GNAQ: variants seen among roughly 807,000 people sequenced by gnomAD.
GNAQ encodes the protein guanine nucleotide-binding protein G(q) subunit alpha.
GNAQ carries 8 observed loss-of-function variants against 43.9 expected under a neutral mutation model. The ratio of observed to expected loss-of-function variants is 0.18; its 90% CI spans 0.11 to 0.33. The LOEUF (loss-of-function observed/expected upper bound fraction) is 0.33. Among genes scored for constraint, GNAQ ranks in the 10% least tolerant of loss-of-function variants. GNAQ has a pLI of 1.00. For synonymous variants in GNAQ, 155 were observed against 170.7 expected, an observed-to-expected ratio of 0.91 and a Z score of 0.71; for missense variants, 158 against 450.8, an observed-to-expected ratio of 0.35 and a Z score of 5.88.
intron 1 of GNAQ, among the ~76,000 whole-genome samples, chr9:78,025,890 A>G (rs1823973514): frequency 6.6e-6 from 1 of 152,214 alleles, no homozygotes; most frequent in Admixed American, 6.5e-5. Context: ...CCTGGATCAT[A>G]AAGAAAAATC....
chr9:78,009,621 G>T (rs1823749572), intron 1 of GNAQ, among the ~76,000 whole-genome samples: 1 of 152,190 alleles, frequency 6.6e-6, no homozygotes, highest in South Asian at 2.1e-4. Context: ...TTTACTGACA[G>T]TATTAACAAA....
chr9:77,735,772 T>A (rs1223564636), intron 5 of GNAQ, among the ~76,000 whole-genome samples: 2 of 152,188 alleles, frequency 1.3e-5, no homozygotes, highest in Non-Finnish European at 2.9e-5. Context: ...GAGAGTACGC[T>A]GACATGGCAA....
chr9:77,751,963 T>C lies in GNAQ; in HGVS notation c.736-23296A>G, dbSNP rs78921282. ...GTGCCACTGTCCTGAAAAATGATGGTTGAGGTACACAGTGCTCATGTTCAG... is the reference window on the plus strand; with the variant it reads ...GTGCCACTGTCCTGAAAAATGATGGCTGAGGTACACAGTGCTCATGTTCAG... On this transcript the variant is annotated intron_variant, in intron 5 of 6. Transcript: ENST00000286548. 2.4e-4 allele frequency among the ~76,000 whole-genome samples: 36 copies of C among 152,358 alleles called. No individual in the cohort carries two copies. The East Asian group carries it at 5.8e-3, about 24-fold the overall frequency.
rs565178044 is a variant in GNAQ at position 77,801,481 on chromosome 9, G to C, written c.477-3833C>G. On this transcript the variant is annotated intron_variant, in intron 3 of 6. Coordinates refer to ENST00000286548, the MANE Select transcript of GNAQ (RefSeq NM_002072.5). The stretch of plus-strand genomic sequence containing the variant: ...TGTTCATTGCCCAGGTATCAACACA[G>C]TTCACAGCAATGAAATGGCCATTAA... 1.1e-4 allele frequency among the ~76,000 whole-genome samples: 16 copies of C among 152,282 alleles called. 1 individual carries two copies. In the South Asian group the frequency reaches 3.3e-3, roughly 32 times the overall value.
In GNAQ at chr9:78,019,029, G is replaced by A. The variant is rs565818018; in HGVS notation, c.136+12071C>T. 3.3e-5 allele frequency among the ~76,000 whole-genome samples: 5 copies of A among 152,218 alleles called. No individual in the cohort carries two copies. In the East Asian group the frequency reaches 5.8e-4, roughly 18 times the overall value. ...GAGTAGAAAGCCCTACAAAAAATAC[G>A]TTTCTCAAAGGACAGAGCTAGTGAT... On this transcript the variant is annotated intron_variant, in intron 1 of 6. Coordinates refer to ENST00000286548, the MANE Select transcript of GNAQ (RefSeq NM_002072.5).
intron 2 of GNAQ, among the ~76,000 whole-genome samples, chr9:77,848,656 AG>A (rs960545045): frequency 6.6e-5 from 10 of 152,356 alleles, no homozygotes; most frequent in African/African-American, 2.4e-4. Flanking sequence ...GGTGGGAATA[AG>A]GAGTGGTCTA....
chr9:77,844,515 T>C (rs1654341672), intron 2 of GNAQ, among the ~76,000 whole-genome samples: 1 of 152,208 alleles, frequency 6.6e-6, no homozygotes, highest in South Asian at 2.1e-4. Context: ...AACCAGCTGC[T>C]AAGTATAAGA....
At chr9:78,015,020 T>A (rs1287527600) in intron 1 of GNAQ, among the ~76,000 whole-genome samples, 1 of 152,188 alleles carries the variant, frequency 6.6e-6, no homozygotes. Flanking sequence ...AAGTGTACAG[T>A]CATGTCCTAG....
chr9:77,959,003 C>G (rs1480700352), intron 1 of GNAQ, among the ~76,000 whole-genome samples: 1 of 152,084 alleles, frequency 6.6e-6, no homozygotes, highest in Non-Finnish European at 1.5e-5. Context: ...AAGAAATGAG[C>G]ATTTTATTGT....
chr9:77,760,903 C>T (rs1425192313), intron 5 of GNAQ, among the ~76,000 whole-genome samples: 13 of 149,550 alleles, frequency 8.7e-5, no homozygotes, highest in African/African-American at 2.9e-4. Context: ...GTCGCGACCC[C>T]GTCTGGGAGG....
chr9:77,789,031 G>A (rs552258411), intron 5 of GNAQ, among the ~76,000 whole-genome samples: 13 of 152,146 alleles, frequency 8.5e-5, no homozygotes, highest in Admixed American at 1.3e-4. Context: ...GCAATAGGCC[G>A]TGATTATCTC....
chr9:77,763,141 C>CAAAAAAAAAAAA (rs34812363), intron 5 of GNAQ, among the ~76,000 whole-genome samples: 2 of 64,836 alleles, frequency 3.1e-5, no homozygotes, highest in African/African-American at 7.0e-5. Context: ...AACAAACAAA[C>CAAAAAAAAAAAA]AAAAAAAAAA....
intron 2 of GNAQ, among the ~76,000 whole-genome samples, chr9:77,905,365 T>C (rs1391206629): frequency 6.6e-6 from 1 of 152,148 alleles, no homozygotes; most frequent in African/African-American, 2.4e-5. Context: ...CAAAAGACAG[T>C]CTAAGGCTTA....
intron 5 of GNAQ, among the ~76,000 whole-genome samples, chr9:77,729,303 C>T (rs1423949430): frequency 6.6e-6 from 1 of 152,188 alleles, no homozygotes; most frequent in Non-Finnish European, 1.5e-5. Context: ...ATTGTGAAGA[C>T]ACACATAGTA....
At chr9:77,830,305 G>A (rs1263126802) in intron 2 of GNAQ, among the ~76,000 whole-genome samples, 1 of 152,020 alleles carries the variant, frequency 6.6e-6, no homozygotes, top group East Asian at 1.9e-4. Flanking sequence ...TAGAGACCTT[G>A]GTATCTGAAG....
At chr9:77,741,080 A>G (rs1012300893) in intron 5 of GNAQ, among the ~76,000 whole-genome samples, 1 of 152,212 alleles carries the variant, frequency 6.6e-6, no homozygotes, top group East Asian at 1.9e-4. Flanking sequence ...TTTTTCAACC[A>G]TTTTAAAATG....
At chr9:78,026,990 G>A (rs534320061) in intron 1 of GNAQ, among the ~76,000 whole-genome samples, 1 of 152,254 alleles carries the variant, frequency 6.6e-6, no homozygotes, top group South Asian at 2.1e-4. Flanking sequence ...GGAGAAAAAT[G>A]TATGGTAAAA....
At chr9:78,014,900 T>C (rs1056511066) in intron 1 of GNAQ, among the ~76,000 whole-genome samples, 1 of 152,208 alleles carries the variant, frequency 6.6e-6, no homozygotes. Flanking sequence ...ATAATGGAGC[T>C]GAAAAATTCC....
intron 5 of GNAQ, among the ~76,000 whole-genome samples, chr9:77,745,742 A>T (rs187130979): frequency 0.012 from 1,886 of 151,896 alleles, 42 homozygotes; most frequent in African/African-American, 0.042. Flanking sequence ...AAAAATATTT[A>T]AAAAATTTCA....
Sources: gnomAD v4.1 joint callset for allele counts (sites outside exome capture counted in the v4.1 genomes callset) on GRCh38, gnomAD v4.1.1 for gene constraint, MANE v1.5 for transcripts, NCBI Gene and HGNC (gene_info 2026-07-23, HGNC 2026-07-21) for gene names.